The following STPG4 variants were observed in gnomAD, a reference collection of about 807,000 sequenced individuals.
STPG4 encodes protein STPG4.
A neutral mutation model predicts 31.5 loss-of-function variants in STPG4; 41 were observed. That is an observed-to-expected ratio of 1.30 (90% CI 1.01 to 1.69). STPG4 has a LOEUF of 1.69. Ranked by LOEUF, STPG4 falls within the 40% of genes most tolerant of loss-of-function variation. STPG4 has a pLI of 0.00. For missense variants in STPG4, 375 were observed against 293.4 expected, an observed-to-expected ratio of 1.28 and a Z score of -2.03; for synonymous variants, 141 against 103.0, an observed-to-expected ratio of 1.37 and a Z score of -2.24.
At chr2:47,154,465 T>G (rs768910871) in intron 1 of STPG4, among the ~76,000 whole-genome samples, 1 of 152,230 alleles carries the variant, frequency 6.6e-6, no homozygotes, top group Non-Finnish European at 1.5e-5. Flanking sequence ...GCTGTTTTGT[T>G]TTGCCCAAGA....
chr2:47,087,717 T>C (rs1685483997), intron 6 of STPG4, among the ~76,000 whole-genome samples: 1 of 152,222 alleles, frequency 6.6e-6, no homozygotes, highest in African/African-American at 2.4e-5. Context: ...CATGTTTTTG[T>C]TTTTATAAAA....
intron 5 of STPG4, chr2:47,128,867 G>A (rs973524851): frequency 1.3e-5 from 2 of 152,256 alleles, no homozygotes; most frequent in African/African-American, 4.8e-5. Context: ...CTCTCTCTGT[G>A]ACCACTGTAG....
intron 6 of STPG4, among the ~76,000 whole-genome samples, chr2:47,088,383 T>C (rs1360901566): frequency 6.6e-6 from 1 of 152,198 alleles, no homozygotes; most frequent in Non-Finnish European, 1.5e-5. Context: ...ATTCTTGAAG[T>C]CCGAAGGCAT....
chr2:47,109,125 G>A (rs954931667), intron 5 of STPG4, among the ~76,000 whole-genome samples: 1 of 152,196 alleles, frequency 6.6e-6, no homozygotes, highest in Non-Finnish European at 1.5e-5. Flanking sequence ...TCAAGAAATT[G>A]TTATAAGAAA....
intron 5 of STPG4, among the ~76,000 whole-genome samples, chr2:47,118,427 T>A (rs1230405676): frequency 6.6e-6 from 1 of 152,166 alleles, no homozygotes; most frequent in African/African-American, 2.4e-5. Context: ...TGATTCTACA[T>A]TATGGTGAGT....
At chr2:47,103,059 C>T (rs911687801) in intron 5 of STPG4, among the ~76,000 whole-genome samples, 2 of 151,882 alleles carry the variant, frequency 1.3e-5, no homozygotes, top group African/African-American at 4.9e-5. Context: ...AGAATGACAG[C>T]CGACGAAAGG....
chr2:47,113,402 T>G (rs1197227817), intron 5 of STPG4, among the ~76,000 whole-genome samples: 2 of 152,098 alleles, frequency 1.3e-5, no homozygotes, highest in African/African-American at 4.8e-5. Flanking sequence ...AACAGATAAC[T>G]GGGCAAAGAC....
intron 5 of STPG4, among the ~76,000 whole-genome samples, chr2:47,114,379 C>T (rs112839566): frequency 0.089 from 13,562 of 151,834 alleles, 823 homozygotes; most frequent in Non-Finnish European, 0.12. Context: ...TGGTGGCAGG[C>T]GCCTATAATC....
intron 5 of STPG4, among the ~76,000 whole-genome samples, chr2:47,101,766 T>A (rs1005742081): frequency 6.6e-6 from 1 of 151,798 alleles, no homozygotes; most frequent in East Asian, 1.9e-4. Flanking sequence ...GCCTCAGAAA[T>A]TGTATCCTTC....
intron 3 of STPG4, among the ~76,000 whole-genome samples, chr2:47,140,251 G>A (rs1686675704): frequency 6.6e-6 from 1 of 152,082 alleles, no homozygotes; most frequent in Non-Finnish European, 1.5e-5. Flanking sequence ...GGTCAGTTAG[G>A]TCCTGATTGA....
chr2:47,094,380 A>G (rs896139466), intron 5 of STPG4, among the ~76,000 whole-genome samples: 1 of 152,184 alleles, frequency 6.6e-6, no homozygotes, highest in African/African-American at 2.4e-5. Flanking sequence ...CCTTTACAGT[A>G]TCTATTCCTC....
At chr2:47,088,138 G>A (rs1415427559) in intron 6 of STPG4, among the ~76,000 whole-genome samples, 1 of 151,470 alleles carries the variant, frequency 6.6e-6, no homozygotes, top group Non-Finnish European at 1.5e-5. Context: ...GGAGTGCAGT[G>A]GCAGGACCTC....
intron 3 of STPG4, among the ~76,000 whole-genome samples, chr2:47,142,330 T>A (rs1686731484): frequency 6.6e-6 from 1 of 152,172 alleles, no homozygotes; most frequent in Admixed American, 6.5e-5. Flanking sequence ...TGTTTCATTT[T>A]CCATGAGCTC....
At chr2:47,103,280 C>T (rs141063502) in intron 5 of STPG4, among the ~76,000 whole-genome samples, 4 of 152,026 alleles carry the variant, frequency 2.6e-5, no homozygotes, top group South Asian at 2.1e-4. Context: ...CGAGCAGCTA[C>T]GAGAGGCCTT....
rs1036675466 is a variant in STPG4 at position 47,100,928 on chromosome 2, C to T, written c.520-10554G>A. On this transcript the variant is annotated intron_variant, in intron 5 of 6. Transcript: ENST00000445927. ...CTGTAACACTCACCACGAGGGTCCGCGGCTTCATTCTTGAACTCAGTGAGA... is the reference window on the plus strand; with the variant it reads ...CTGTAACACTCACCACGAGGGTCCGTGGCTTCATTCTTGAACTCAGTGAGA... Among the ~76,000 whole-genome samples, 73 of 151,950 alleles carry T rather than the reference C, an allele frequency of 4.8e-4. No individual in the cohort carries two copies. In the Middle Eastern group the frequency reaches 0.01, roughly 21 times the overall value.
At chr2:47,098,021 C>A (rs1336478531) in intron 5 of STPG4, among the ~76,000 whole-genome samples, 1 of 150,918 alleles carries the variant, frequency 6.6e-6, no homozygotes, top group Non-Finnish European at 1.5e-5. Context: ...CACCTTTTTG[C>A]TTTTCACGTG....
chr2:47,109,532 G>C (rs917459435), intron 5 of STPG4, among the ~76,000 whole-genome samples: 3 of 149,868 alleles, frequency 2.0e-5, no homozygotes, highest in Non-Finnish European at 4.4e-5. Context: ...ACTCCAGCCT[G>C]GGTGATAGTG....
At chr2:47,104,951 G>A (rs987437469) in intron 5 of STPG4, among the ~76,000 whole-genome samples, 2 of 151,890 alleles carry the variant, frequency 1.3e-5, no homozygotes, top group African/African-American at 2.4e-5. Flanking sequence ...CAGTTGAGGG[G>A]GTTCCTTGGA....
At chr2:47,122,704 G>A (rs979562437) in intron 5 of STPG4, among the ~76,000 whole-genome samples, 5 of 150,840 alleles carry the variant, frequency 3.3e-5, no homozygotes, top group African/African-American at 4.9e-5. Flanking sequence ...TTTTGCAGAT[G>A]TTTGCTATGC....
Sources: allele counts gnomAD v4.1 joint callset (sites outside exome capture counted in the v4.1 genomes callset), GRCh38; gene constraint gnomAD v4.1.1; transcripts MANE v1.5; gene names NCBI Gene and HGNC (gene_info 2026-07-23, HGNC 2026-07-21).